The following KRT19 variants were observed in gnomAD, a reference collection of about 807,000 sequenced individuals.
KRT19 encodes the protein keratin 19, also known as keratin, type I cytoskeletal 19.
KRT19 carries 21 observed loss-of-function variants against 34.6 expected under a neutral mutation model. That is an observed-to-expected ratio of 0.61 (90% CI 0.43 to 0.87). The LOEUF is 0.87. Among genes scored for constraint, KRT19 ranks in the 40% least tolerant of loss-of-function variants. The pLI is 0.00. For synonymous variants in KRT19, 240 were observed against 245.8 expected, an observed-to-expected ratio of 0.98 and a Z score of 0.22; for missense variants, 514 against 545.7, an observed-to-expected ratio of 0.94 and a Z score of 0.58.
chr17:41,523,701 G>T lies in KRT19; in HGVS notation c.*42C>A. 1 of 1,602,632 alleles carries T rather than the reference G, an allele frequency of 6.2e-7. No individual in the cohort carries two copies. The highest frequency in any genetic ancestry group is 8.5e-7 in the Non-Finnish European group (1 of 1,171,170). On this transcript the variant is annotated 3_prime_UTR_variant, in exon 6 of 6. Coordinates refer to ENST00000361566, the MANE Select transcript of KRT19 (RefSeq NM_002276.5). ...TTCCTTCCCATCCCTCTACCCAGAAGACACCCTCCAAAGGACAGCAGAAGC... is the reference window on the plus strand; with the variant it reads ...TTCCTTCCCATCCCTCTACCCAGAATACACCCTCCAAAGGACAGCAGAAGC...
chr17:41,526,632 CG>C (rs1425641841), intron 1 of KRT19, among the ~76,000 whole-genome samples: 1 of 118,622 alleles, frequency 8.4e-6, no homozygotes, highest in Non-Finnish European at 1.6e-5. Flanking sequence ...AGTGCAATGG[CG>C]CAATCTCGGC....
Position 41,523,960 on chromosome 17 carries a change from G to A in KRT19, c.986C>T (p.Ala329Val), listed in dbSNP as rs749920883. ...ATGCGCCAGCTGGGCTCCAAAGCGCGCCTCCGTTTCTGCCAGTGTGTCTTC... is the reference window on the plus strand; with the variant it reads ...ATGCGCCAGCTGGGCTCCAAAGCGCACCTCCGTTTCTGCCAGTGTGTCTTC... ...ALEDTLAETEARFGAQLAHIQ... is the reference protein window; with the variant it reads ...ALEDTLAETEVRFGAQLAHIQ... Residue 329 changes from alanine to valine, a missense_variant, in exon 6 of 6, where the codon GCG becomes GTG. By Grantham distance (64) the Ala-to-Val change is moderately conservative. Coordinates refer to ENST00000361566, the MANE Select transcript of KRT19 (RefSeq NM_002276.5). 1.3e-5 allele frequency: 21 copies of A among 1,612,954 alleles called. No homozygotes were observed. Among genetic ancestry groups the A allele is most frequent in the South Asian group, 5.5e-5 (5 of 91,084 alleles).
rs766176788 is a variant in KRT19, at chr17:41,525,193, G to T, written c.501C>A (p.Thr167=). 72 of 1,611,412 alleles carry T rather than the reference G, an allele frequency of 4.5e-5. No individual in the cohort carries two copies. The highest frequency in any genetic ancestry group is 6.0e-5 in the Non-Finnish European group (71 of 1,177,762). ...NARLAADDFR[T]KFETEQALRM... ...GCCCCCAGGACAGAGACACTCACTT[G>T]GTTCGGAAGTCATCTGCAGCCAGAC... The change falls in exon 2 of 6, where the codon ACC becomes ACA. Residue 167 remains threonine (T), a splice_region_variant and synonymous_variant. Coordinates refer to ENST00000361566, the MANE Select transcript of KRT19 (RefSeq NM_002276.5).
At chr17:41,525,374 CA>C in intron 1 of KRT19, 101 bp from the exon 2 acceptor site, 2 of 896,904 alleles carry the variant, frequency 2.2e-6, no homozygotes, top group Admixed American at 1.8e-5. Context: ...TATACCCCGG[CA>C]CCCTAGAGAC....
chr17:41,527,674 C>T (rs568314927), intron 1 of KRT19, among the ~76,000 whole-genome samples, 154 bp downstream of exon 1: 39 of 152,340 alleles, frequency 2.6e-4, no homozygotes, highest in African/African-American at 8.9e-4. Flanking sequence ...CTGCCCCGCA[C>T]GTCTCCTGTC....
chr17:41,525,449 A>G, intron 1 of KRT19, 176 bp from the exon 2 acceptor site: 1 of 595,902 alleles, frequency 1.7e-6, no homozygotes, highest in Non-Finnish European at 3.0e-6. Flanking sequence ...CAAACAGTCC[A>G]TGCCCAGAAG....
chr17:41,526,739 T>G (rs978572742), intron 1 of KRT19, among the ~76,000 whole-genome samples: 2 of 151,952 alleles, frequency 1.3e-5, no homozygotes, highest in African/African-American at 4.8e-5. Flanking sequence ...GCCCAGCTAA[T>G]TTTTGTATTT....
chr17:41,523,626 C>T lies in KRT19; in HGVS notation c.*117G>A, dbSNP rs1905743773. On this transcript the variant is annotated 3_prime_UTR_variant, in exon 6 of 6. Coordinates refer to ENST00000361566, the MANE Select transcript of KRT19 (RefSeq NM_002276.5). ...AACCAAACGTCCTTCCTCCCTTGGACCATAAATTTTTATTGGCAGGTCAGG... is the reference window on the plus strand; with the variant it reads ...AACCAAACGTCCTTCCTCCCTTGGATCATAAATTTTTATTGGCAGGTCAGG... 1 of 1,003,236 alleles carries T rather than the reference C, an allele frequency of 1.0e-6. No homozygotes were observed. The highest frequency in any genetic ancestry group is 1.5e-6 in the Non-Finnish European group (1 of 673,560). 62.1% of individuals were successfully genotyped at this position (1,003,236 alleles called of 1,614,324 possible).
In KRT19 at chr17:41,525,246, T is replaced by C. The variant is rs765978205; in HGVS notation, c.448A>G (p.Arg150Gly). 1.2e-6 allele frequency: 2 copies of C among 1,613,818 alleles called. No individual in the cohort carries two copies. The highest frequency in any genetic ancestry group is 2.7e-5 in the African/African-American group (2 of 74,932). ...KILGATIENS[R>G]IVLQIDNARL... ...GCATTGTCGATCTGCAGGACAATCC[T>C]GGAGTTCTCAATGGTGGCACCAAGA... Residue 150 changes from arginine (R) to glycine (G), a missense_variant, in exon 2 of 6, where the codon AGG becomes GGG. Transcript: ENST00000361566.
chr17:41,527,639 G>T (rs1468260074), intron 1 of KRT19, among the ~76,000 whole-genome samples, 189 bp downstream of exon 1: 2 of 150,322 alleles, frequency 1.3e-5, no homozygotes, highest in Non-Finnish European at 3.0e-5. Context: ...CCACCACCCC[G>T]GCCTCTGCAT....
chr17:41,527,786 C>T (rs1362360308), intron 1 of KRT19, 42 bp downstream of exon 1: 1 of 1,517,482 alleles, frequency 6.6e-7, no homozygotes, highest in Non-Finnish European at 8.8e-7. Flanking sequence ...TGGGTTTCCG[C>T]GGCAGGTGCA....
intron 2 of KRT19, 45 bp downstream of exon 2, chr17:41,525,146 T>C: frequency 6.4e-7 from 1 of 1,572,128 alleles, no homozygotes; most frequent in Non-Finnish European, 8.8e-7. Flanking sequence ...CCCCAACCCC[T>C]ACCCCAGTCC....
In KRT19 at chr17:41,524,527, A is replaced by G. The variant is rs1444551186; in HGVS notation, c.674T>C (p.Leu225Pro). The change falls in exon 4 of 6, where the codon CTG (leucine) becomes CCG (proline). Residue 225 changes from leucine to proline, a missense_variant. By Grantham distance (98) the Leu-to-Pro change is moderately conservative. Transcript: ENST00000361566. ...GACCTGGCCTCCCACTTGGCCCCTCAGCGTACTGATTTCCTGTAAAGATAC... is the reference window on the plus strand; with the variant it reads ...GACCTGGCCTCCCACTTGGCCCCTCGGCGTACTGATTTCCTGTAAAGATAC... ...KKNHEEEIST[L>P]RGQVGGQVSV... The G allele has an allele frequency of 1.2e-6, 2 of 1,613,910 alleles. No individual in the cohort carries two copies. The highest frequency in any genetic ancestry group is 2.7e-5 in the African/African-American group (2 of 74,898).
In KRT19 at chr17:41,524,146, G is replaced by A. The variant is rs1468613004; in HGVS notation, c.945C>T (p.Ser315=). 1 of 1,613,670 alleles carries A rather than the reference G, an allele frequency of 6.2e-7. No individual in the cohort carries two copies. The highest frequency in any genetic ancestry group is 1.7e-5 in the Admixed American group (1 of 59,986). Residue 315 remains serine, a synonymous_variant, in exon 5 of 6, where the codon AGC becomes AGT. Coordinates refer to ENST00000361566, the MANE Select transcript of KRT19 (RefSeq NM_002276.5). The part of the protein sequence containing the change: ...GLEIELQSQL[S]MKAALEDTLA... The stretch of plus-strand genomic sequence containing the variant: ...GCGGCGGTGGGGGGACACATACCAT[G>A]CTCAGCTGTGACTGCAGCTCAATCT...
At chr17:41,524,289 G>C in intron 4 of KRT19, 21 bp from the exon 5 acceptor site, 1 of 1,612,984 alleles carries the variant, frequency 6.2e-7, no homozygotes. Flanking sequence ...AGGAAGAAGA[G>C]GGAATAAGCA....
At chr17:41,525,931 T>C (rs1166055266) in intron 1 of KRT19, among the ~76,000 whole-genome samples, 1 of 152,046 alleles carries the variant, frequency 6.6e-6, no homozygotes, top group Non-Finnish European at 1.5e-5. Context: ...CACCAGGTGG[T>C]GATTGTATAG....
In KRT19 at chr17:41,524,751, A is replaced by C. The variant is rs1905798827; in HGVS notation, c.660+92T>G. 35 of 1,458,938 alleles carry C rather than the reference A, an allele frequency of 2.4e-5. No homozygotes were observed. The South Asian group carries it at 3.2e-4, about 14-fold the overall frequency. 90.4% of individuals were successfully genotyped at this position (1,458,938 alleles called of 1,614,324 possible). On this transcript the variant is annotated intron_variant, in intron 3 of 5. Coordinates refer to ENST00000361566, the MANE Select transcript of KRT19 (RefSeq NM_002276.5). ...CCAGGGCCATGGTGAGGGTGCACCA[A>C]GTGTTACCACGGTCAGAGAATACAG...
rs758370517 is a variant in KRT19 at position 41,525,218 on chromosome 17, C to G, written c.476G>C (p.Arg159Pro). 5 of 1,613,634 alleles carry G rather than the reference C, an allele frequency of 3.1e-6. No individual in the cohort carries two copies. The highest frequency in any genetic ancestry group is 3.3e-5 in the Admixed American group (2 of 59,996). The change falls in exon 2 of 6, where the codon CGT (arginine) becomes CCT (proline). Residue 159 changes from arginine to proline, a missense_variant. Coordinates refer to ENST00000361566, the MANE Select transcript of KRT19 (RefSeq NM_002276.5). Reference protein sequence around the residue: ...SRIVLQIDNARLAADDFRTKF... With the variant: ...SRIVLQIDNAPLAADDFRTKF... ...GGTTCGGAAGTCATCTGCAGCCAGACGGGCATTGTCGATCTGCAGGACAAT... is the reference window on the plus strand; with the variant it reads ...GGTTCGGAAGTCATCTGCAGCCAGAGGGGCATTGTCGATCTGCAGGACAAT...
At chr17:41,524,095 A>G (rs201854897) in intron 5 of KRT19, 48 bp downstream of exon 5, 728 of 1,607,372 alleles carry the variant, frequency 4.5e-4, no homozygotes, top group Non-Finnish European at 5.2e-4. Flanking sequence ...CTGCAAGGGT[A>G]TAAGTGTGAA....
Sources: allele counts gnomAD v4.1 joint callset (sites outside exome capture counted in the v4.1 genomes callset), GRCh38; gene constraint gnomAD v4.1.1; transcripts MANE v1.5; gene names NCBI Gene and HGNC (gene_info 2026-07-23, HGNC 2026-07-21).